EPN1: variants seen among roughly 807,000 people sequenced by gnomAD.
EPN1 encodes epsin-1.
A neutral mutation model predicts 56.9 loss-of-function variants in EPN1; 25 were observed. That is an observed-to-expected ratio of 0.44 (90% CI 0.32 to 0.61). EPN1 has a LOEUF of 0.61. EPN1 is among the 20% of genes least tolerant of loss of function. EPN1 has a pLI of 0.05. For missense variants in EPN1, 785 were observed against 823.7 expected (o/e 0.95, Z 0.58); for synonymous variants, 411 against 361.8 (o/e 1.14, Z -1.54).
rs1987569580 is a variant in EPN1, at chr19:55,708,956, G to A, written c.*13600G>A. On this transcript the variant is annotated 3_prime_UTR_variant, in exon 11 of 11. Coordinates refer to ENST00000270460, the MANE Select transcript of EPN1 (RefSeq NM_001130072.2). ...ATCTTGTATTCCTCGTCAATCCAAG[G>A]TCCATGTGAAATGGTCAGATGGGGA... 1 of 1,586,040 alleles carries A rather than the reference G, an allele frequency of 6.3e-7. No individual in the cohort carries two copies. The highest frequency in any genetic ancestry group is 1.8e-5 in the Admixed American group (1 of 54,494).
In EPN1 at chr19:55,708,781, C is replaced by T; in HGVS notation, c.*13425C>T. ...ACACTCCATAATCATATTGCTAGAA[C>T]ACTTAGGGAGTACCTCTGAAATCAC... is the stretch of plus-strand genomic sequence containing the variant. On this transcript the variant is annotated 3_prime_UTR_variant, in exon 11 of 11. Transcript: ENST00000270460. 1.6e-6 allele frequency: 1 copy of T among 613,424 alleles called. No homozygotes were observed. Among genetic ancestry groups the T allele is most frequent in the Non-Finnish European group, 2.8e-6 (1 of 357,260 alleles). 38.0% of individuals were successfully genotyped at this position (613,424 alleles called of 1,614,324 possible). A position where few individuals can be genotyped will look rare whatever the true frequency, so the allele number is the denominator to read the frequency against.
Position 55,701,430 on chromosome 19 carries a change from CAG to C in EPN1, c.*6077_*6078del, listed in dbSNP as rs1987135135. Reference sequence around the variant, plus strand: ...CACTACTGCACTCCAGCCTGGGTGACAGAGTGAGACCCTGTCTCCAAAAAAAA... The same window carrying C: ...CACTACTGCACTCCAGCCTGGGTGACAGTGAGACCCTGTCTCCAAAAAAAA... On this transcript the variant is annotated 3_prime_UTR_variant, in exon 11 of 11. Transcript: ENST00000270460. The C allele has an allele frequency of 6.8e-6, 1 of 147,584 alleles. No individual in the cohort carries two copies. Among genetic ancestry groups the C allele is most frequent in the South Asian group, 2.1e-4 (1 of 4,678 alleles). The allele number at this position is 147,584 out of a possible 1,614,324, so 9.1% of individuals were successfully genotyped here.
chr19:55,689,974 C>T lies in EPN1; in HGVS notation c.762+24C>T, dbSNP rs758331662. 9 of 1,568,694 alleles carry T rather than the reference C, an allele frequency of 5.7e-6. No homozygotes were observed. Among genetic ancestry groups the T allele is most frequent in the Non-Finnish European group, 7.8e-6 (9 of 1,155,702 alleles). On this transcript the variant is annotated intron_variant, in intron 6 of 10. Coordinates refer to ENST00000270460, the MANE Select transcript of EPN1 (RefSeq NM_001130072.2). This position sits in a 1 kb window ranked among gnomAD's most constrained non-coding sequence, Gnocchi z 5.7. ...AGGTGAGCGGGGCTTGTTCTGCCCT[C>T]CCTGGCCCCTGCAGGTGTCCGTCCG...
At position 55,695,281 on chromosome 19, in the gene EPN1, T is replaced by G. The variant is rs1568582350; in HGVS notation, c.1656T>G (p.Leu552=). 6.3e-7 allele frequency: 1 copy of G among 1,595,910 alleles called. No individual in the cohort carries two copies. The highest frequency in any genetic ancestry group is 2.3e-5 in the East Asian group (1 of 43,550). The change falls in exon 11 of 11, where the codon CTT becomes CTG. Residue 552 remains leucine, a synonymous_variant. Coordinates refer to ENST00000270460, the MANE Select transcript of EPN1 (RefSeq NM_001130072.2). This position sits in a 1 kb window ranked among gnomAD's most constrained non-coding sequence, Gnocchi z 4.4. ...PGAPPTYISP[L]GGGPGLPPMM... is the part of the protein sequence containing the mutation. ...CGCCACCCACGTACATCTCTCCCCT[T>G]GGCGGGGGCCCTGGCCTGCCCCCCA...
intron 1 of EPN1, among the ~76,000 whole-genome samples, chr19:55,678,224 CAGA>C (rs1253084875): frequency 4.6e-5 from 7 of 152,180 alleles, no homozygotes; most frequent in Non-Finnish European, 7.3e-5. Context: ...CCCCATTTGA[CAGA>C]AGAGAAAGCT....
At position 55,692,696 on chromosome 19, in the gene EPN1, G is replaced by T. The variant is rs776850200; in HGVS notation, c.1077G>T (p.Pro359=). 2 of 1,544,844 alleles carry T rather than the reference G, an allele frequency of 1.3e-6. No individual in the cohort carries two copies. The highest frequency in any genetic ancestry group is 1.7e-6 in the Non-Finnish European group (2 of 1,143,938). Residue 359 remains proline (P), a synonymous_variant, in exon 8 of 11, where the codon CCG becomes CCT. Coordinates refer to ENST00000270460, the MANE Select transcript of EPN1 (RefSeq NM_001130072.2). ...DPWGSSDGGV[P]VSGPSASDPW... ...TCTGTCCTCACCCAGGTGGGGTCCC[G>T]GTCAGTGGGCCCTCAGCCTCCGATC...
chr19:55,689,942 AAGG>A lies in EPN1; in HGVS notation c.761_762+1del. 6.2e-7 allele frequency: 1 copy of A among 1,600,902 alleles called. No homozygotes were observed. The highest frequency in any genetic ancestry group is 2.3e-5 in the East Asian group (1 of 44,282). ...GGAGAGCAAGAGGGAGACTGGGGGC[AAGG>A]AGGAGGTGAGCGGGGCTTGTTCTGC... On this transcript the variant is annotated inframe_deletion, in exon 6 of 11. Coordinates refer to ENST00000270460, the MANE Select transcript of EPN1 (RefSeq NM_001130072.2). This position sits in a 1 kb window ranked among gnomAD's most constrained non-coding sequence, Gnocchi z 5.7.
At chr19:55,677,148 C>T (rs530722268) in intron 1 of EPN1, 12 of 1,551,538 alleles carry the variant, frequency 7.7e-6, no homozygotes, top group African/African-American at 2.7e-5. Context: ...AAATCTCCCT[C>T]TGTGGCTTCT....
At chr19:55,683,203 A>G (rs140379875) in intron 2 of EPN1, among the ~76,000 whole-genome samples, 1,752 of 143,026 alleles carry the variant, frequency 0.012, 16 homozygotes, top group Non-Finnish European at 0.02. Flanking sequence ...TTACAGGCGC[A>G]TGCCACAATG....
At position 55,708,871 on chromosome 19, in the gene EPN1, A is replaced by G; in HGVS notation, c.*13515A>G. On this transcript the variant is annotated 3_prime_UTR_variant, in exon 11 of 11. Transcript: ENST00000270460. Reference sequence around the variant, plus strand: ...CCAGGTGAAGGTCCCACTGTGGCCAAGGAAAGCCTTTGTGAGACGACTACT... The same window carrying G: ...CCAGGTGAAGGTCCCACTGTGGCCAGGGAAAGCCTTTGTGAGACGACTACT... 6.8e-7 allele frequency: 1 copy of G among 1,469,904 alleles called. No individual in the cohort carries two copies. The highest frequency in any genetic ancestry group is 2.6e-5 in the East Asian group (1 of 38,800). The allele number at this position is 1,469,904 out of a possible 1,614,324, so 91.1% of individuals were successfully genotyped here. A position where few individuals can be genotyped will look rare whatever the true frequency, so the allele number is the denominator to read the frequency against.
In EPN1 at chr19:55,709,287, G is replaced by A; in HGVS notation, c.*13931G>A. On this transcript the variant is annotated 3_prime_UTR_variant, in exon 11 of 11. Transcript: ENST00000270460. ...AATTAAGATTTAATTCAAAAAAGAT[G>A]AATTTAAGTTAAAAAGAAAAACACA... 3.8e-6 allele frequency: 1 copy of A among 266,274 alleles called. No individual in the cohort carries two copies. Among genetic ancestry groups the A allele is most frequent in the Non-Finnish European group, 7.0e-6 (1 of 143,036 alleles). The allele number at this position is 266,274 out of a possible 1,614,324, so 16.5% of individuals were successfully genotyped here. A position where few individuals can be genotyped will look rare whatever the true frequency, so the allele number is the denominator to read the frequency against.
Position 55,702,850 on chromosome 19 carries a change from A to G in EPN1, c.*7494A>G, listed in dbSNP as rs574414258. On this transcript the variant is annotated 3_prime_UTR_variant, in exon 11 of 11. Transcript: ENST00000270460. Reference sequence around the variant, plus strand: ...TGCACTGTCACCCAGGCTGGAGTGCAGTGGTGCGATCTCGGCTCACTGCAA... The same window carrying G: ...TGCACTGTCACCCAGGCTGGAGTGCGGTGGTGCGATCTCGGCTCACTGCAA... 7 of 151,582 alleles carry G rather than the reference A, an allele frequency of 4.6e-5. No individual in the cohort carries two copies. The highest frequency in any genetic ancestry group is 1.0e-4 in the Non-Finnish European group (7 of 67,946). The allele number at this position is 151,582 out of a possible 1,614,324, so 9.4% of individuals were successfully genotyped here.
intron 1 of EPN1, chr19:55,677,237 GGGGCTGAACCTCT>G (rs1568562394): frequency 2.2e-6 from 3 of 1,366,610 alleles, no homozygotes; most frequent in Admixed American, 2.0e-5. Context: ...CCCTGGGCAA[GGGGCTGAACCTCT>G]GTGTCTCAGT....
intron 1 of EPN1, chr19:55,677,617 C>T: frequency 6.4e-7 from 1 of 1,551,608 alleles, no homozygotes; most frequent in African/African-American, 1.4e-5. Flanking sequence ...GCACCTGGCA[C>T]ACAGCAGGGA....
Position 55,706,681 on chromosome 19 carries a change from G to GA in EPN1, c.*11326dup, listed in dbSNP as rs1987436940. ...AGAAAGAAAAGAGGGGAAGGGAAGG[G>GA]AGAGATTTAAAAAACAATAGTAAAG... On this transcript the variant is annotated 3_prime_UTR_variant, in exon 11 of 11. Transcript: ENST00000270460. 1.3e-5 allele frequency: 2 copies of GA among 149,822 alleles called. No homozygotes were observed. Among genetic ancestry groups the GA allele is most frequent in the African/African-American group, 4.9e-5 (2 of 40,588 alleles). 9.3% of individuals were successfully genotyped at this position (149,822 alleles called of 1,614,324 possible).
At chr19:55,675,479 CG>C (rs1263886008) in intron 1 of EPN1, 44 bp downstream of exon 1, 1 of 152,230 alleles carries the variant, frequency 6.6e-6, no homozygotes, top group Admixed American at 6.5e-5. Flanking sequence ...CCGCCTGCTC[CG>C]GGTGTTCGGG....
At chr19:55,688,530 G>GCCCAGGGA (rs1986314988) in intron 3 of EPN1, among the ~76,000 whole-genome samples, 2 of 152,150 alleles carry the variant, frequency 1.3e-5, no homozygotes, top group Non-Finnish European at 2.9e-5. Flanking sequence ...TCCCCCAGGG[G>GCCCAGGGA]CCCAGGGACA....
intron 2 of EPN1, 97 bp from the exon 3 acceptor site, chr19:55,685,299 T>C (rs1986090080): frequency 6.8e-7 from 1 of 1,479,532 alleles, no homozygotes; most frequent in Admixed American, 2.0e-5. Flanking sequence ...TTGTGGGCCT[T>C]GCGCCCAGTC....
chr19:55,676,206 T>C (rs1985410551), intron 1 of EPN1, among the ~76,000 whole-genome samples: 1 of 152,262 alleles, frequency 6.6e-6, no homozygotes, highest in African/African-American at 2.4e-5. Context: ...ATAGCAAGTG[T>C]GTAATTACTG....
Sources: gnomAD v4.1 joint callset for allele counts (sites outside exome capture counted in the v4.1 genomes callset) on GRCh38, gnomAD v4.1.1 for gene constraint, Gnocchi (gnomAD v3.1) non-coding constraint, MANE v1.5 for transcripts, NCBI Gene and HGNC (gene_info 2026-07-23, HGNC 2026-07-21) for gene names.